CCSER1: variants seen among roughly 807,000 people sequenced by gnomAD.
CCSER1 encodes the protein coiled-coil serine rich protein 1, also known as serine-rich coiled-coil domain-containing protein 1.
A neutral mutation model predicts 82.0 loss-of-function variants in CCSER1; 41 were observed. The ratio of observed to expected loss-of-function variants is 0.50; its 90% confidence interval spans 0.39 to 0.65. CCSER1 has a LOEUF of 0.65. Ranked by LOEUF, CCSER1 falls within the 30% of genes least tolerant of loss-of-function variation. The probability of loss-of-function intolerance (pLI) is 0.00; values close to 1 mark genes in which losing one functional copy is unlikely to be tolerated. For synonymous variants in CCSER1, 414 were observed against 383.9 expected (o/e 1.08, Z -0.92); for missense variants, 1,119 against 1,064.2 (o/e 1.05, Z -0.72).
At position 90,682,274 on chromosome 4, in the gene CCSER1, GA is replaced by G. The variant is rs928719534; in HGVS notation, c.1933-41631del. Among the ~76,000 whole-genome samples the G allele has an allele frequency of 2.7e-3, 393 of 147,824 alleles. 2 individuals carry two copies. Among genetic ancestry groups the G allele is most frequent in the African/African-American group, 8.8e-3 (353 of 40,328 alleles). ...GTGCTCATACCCTATTAAAAAAAAA[GA>G]AAAAAAAAGACACTCATTAGACTTA... is the stretch of plus-strand genomic sequence containing the variant. On this transcript the variant is annotated intron_variant, in intron 6 of 10. Coordinates refer to ENST00000509176, the MANE Select transcript of CCSER1 (RefSeq NM_001145065.2).
intron 5 of CCSER1, among the ~76,000 whole-genome samples, chr4:90,527,269 C>CA (rs1195342923): frequency 6.6e-6 from 1 of 152,068 alleles, no homozygotes; most frequent in Non-Finnish European, 1.5e-5. Flanking sequence ...ACAACCCCAT[C>CA]AAAAAATGGG....
At chr4:91,511,698 T>C (rs1759834520) in intron 10 of CCSER1, among the ~76,000 whole-genome samples, 1 of 152,162 alleles carries the variant, frequency 6.6e-6, no homozygotes, top group Non-Finnish European at 1.5e-5. Context: ...GGTTGCATGC[T>C]CCTTATGAGA....
At chr4:90,191,301 C>G (rs145413264) in intron 1 of CCSER1, among the ~76,000 whole-genome samples, 1 of 150,952 alleles carries the variant, frequency 6.6e-6, no homozygotes, top group South Asian at 2.1e-4. Flanking sequence ...AGTATGGGGG[C>G]GGGGGGTATA....
chr4:91,435,211 G>T (rs1481834866), intron 10 of CCSER1, among the ~76,000 whole-genome samples: 1 of 152,152 alleles, frequency 6.6e-6, no homozygotes. Flanking sequence ...AGGCTGAGGT[G>T]GGAGAATCAC....
intron 10 of CCSER1, among the ~76,000 whole-genome samples, chr4:91,430,644 T>G (rs963962581): frequency 6.6e-6 from 1 of 152,246 alleles, no homozygotes; most frequent in Admixed American, 6.5e-5. Flanking sequence ...GAAAACATTA[T>G]GAAATGGACA....
intron 10 of CCSER1, among the ~76,000 whole-genome samples, chr4:91,092,641 G>A (rs934173597): frequency 5.3e-5 from 8 of 152,216 alleles, no homozygotes; most frequent in Non-Finnish European, 8.8e-5. Flanking sequence ...GTAGTTTCAT[G>A]TACAGCCAGC....
chr4:90,787,422 AT>A (rs1754665607), intron 7 of CCSER1, among the ~76,000 whole-genome samples: 1 of 152,162 alleles, frequency 6.6e-6, no homozygotes, highest in Non-Finnish European at 1.5e-5. Context: ...CTTTGTGACT[AT>A]TTTTTTGAAT....
chr4:90,310,221 C>T (rs1421187046), intron 2 of CCSER1, among the ~76,000 whole-genome samples: 1 of 152,050 alleles, frequency 6.6e-6, no homozygotes, highest in Non-Finnish European at 1.5e-5. Flanking sequence ...CATTAACTAA[C>T]TGTGCAACTT....
intron 3 of CCSER1, chr4:90,370,562 A>G (rs1400397015): frequency 6.6e-6 from 1 of 151,998 alleles, no homozygotes; most frequent in Non-Finnish European, 1.5e-5. Flanking sequence ...TTCATAATTT[A>G]CCTTGTTTTG....
chr4:90,429,037 C>A (rs532409088), intron 4 of CCSER1, among the ~76,000 whole-genome samples: 1 of 151,630 alleles, frequency 6.6e-6, no homozygotes, highest in Non-Finnish European at 1.5e-5. Flanking sequence ...ATGTATCACA[C>A]TATTGCAAGA....
chr4:91,536,399 C>T (rs1761296976), intron 10 of CCSER1, among the ~76,000 whole-genome samples: 1 of 152,062 alleles, frequency 6.6e-6, no homozygotes, highest in Admixed American at 6.6e-5. Flanking sequence ...GATAGGCAGA[C>T]AAATATAAGA....
At chr4:90,280,226 G>A (rs911664031) in intron 1 of CCSER1, among the ~76,000 whole-genome samples, 1 of 151,994 alleles carries the variant, frequency 6.6e-6, no homozygotes, top group African/African-American at 2.4e-5. Context: ...AGTCACTACA[G>A]TATTCCAAAT....
chr4:91,440,876 T>C (rs1290013187), intron 10 of CCSER1, among the ~76,000 whole-genome samples: 1 of 152,014 alleles, frequency 6.6e-6, no homozygotes, highest in Non-Finnish European at 1.5e-5. Flanking sequence ...CTAGAAGAAA[T>C]GGATAAATTC....
At chr4:90,748,857 G>A (rs7436528) in intron 7 of CCSER1, among the ~76,000 whole-genome samples, 3,691 of 149,460 alleles carry the variant, frequency 0.025, 126 homozygotes, top group African/African-American at 0.08. Context: ...GTCTGTTCAT[G>A]TCCTTTGCCC....
At chr4:90,442,107 G>T (rs1759971833) in intron 4 of CCSER1, among the ~76,000 whole-genome samples, 1 of 152,102 alleles carries the variant, frequency 6.6e-6, no homozygotes, top group Admixed American at 6.6e-5. Context: ...TAACAAGGCA[G>T]ATTTCCACCA....
chr4:90,932,614 G>A (rs1729967657), intron 9 of CCSER1, among the ~76,000 whole-genome samples: 1 of 151,770 alleles, frequency 6.6e-6, no homozygotes, highest in Non-Finnish European at 1.5e-5. Flanking sequence ...AATCACCCGA[G>A]GTCAGGAGTT....
intron 5 of CCSER1, among the ~76,000 whole-genome samples, chr4:90,594,502 A>G (rs1783078498): frequency 6.6e-6 from 1 of 152,094 alleles, no homozygotes; most frequent in Non-Finnish European, 1.5e-5. Flanking sequence ...ATGCTTAGAT[A>G]CCTTTCTACC....
At chr4:91,354,662 T>G (rs1420141236) in intron 10 of CCSER1, among the ~76,000 whole-genome samples, 2 of 152,238 alleles carry the variant, frequency 1.3e-5, no homozygotes, top group Admixed American at 1.3e-4. Flanking sequence ...TAATTGAGAC[T>G]TTTAGGACGA....
chr4:90,513,666 G>A (rs60864973), intron 5 of CCSER1, among the ~76,000 whole-genome samples: 11,552 of 152,182 alleles, frequency 0.076, 962 homozygotes, highest in African/African-American at 0.21. Context: ...AATGAAGAGT[G>A]TATGACTATG....
Sources: allele counts gnomAD v4.1 joint callset (sites outside exome capture counted in the v4.1 genomes callset), GRCh38; gene constraint gnomAD v4.1.1; transcripts MANE v1.5; gene names NCBI Gene and HGNC (gene_info 2026-07-23, HGNC 2026-07-21).